The following IRAK2 variants were observed in gnomAD, a reference collection of about 807,000 sequenced individuals.
The protein encoded by IRAK2 is interleukin-1 receptor-associated kinase-like 2.
Under a neutral mutation model 72.0 loss-of-function variants are expected in IRAK2, and 57 were observed. The ratio of observed to expected loss-of-function variants is 0.79; its 90% CI spans 0.64 to 0.99. The LOEUF is 0.99. Among genes scored for constraint, IRAK2 ranks in the 50% least tolerant of loss-of-function variants. The probability of loss-of-function intolerance (pLI) is 0.00; values close to 1 mark genes in which losing one functional copy is unlikely to be tolerated. For synonymous variants in IRAK2, 293 were observed against 312.7 expected (o/e 0.94, Z 0.67); for missense variants, 790 against 794.4 (o/e 0.99, Z 0.07).
intron 12 of IRAK2, among the ~76,000 whole-genome samples, chr3:10,240,571 TG>T (rs200083760): frequency 1.3e-5 from 1 of 79,790 alleles, no homozygotes; most frequent in Admixed American, 1.7e-4. Context: ...TTTTTTTTTT[TG>T]TTTTGAGACA....
chr3:10,177,199 A>G (rs745617378), intron 1 of IRAK2, among the ~76,000 whole-genome samples: 3 of 152,070 alleles, frequency 2.0e-5, no homozygotes, highest in Admixed American at 6.6e-5. Flanking sequence ...CTCCTAAAGT[A>G]TTGGAATTAC....
chr3:10,168,788 A>C (rs1214185120), intron 1 of IRAK2, among the ~76,000 whole-genome samples: 1 of 152,122 alleles, frequency 6.6e-6, no homozygotes, highest in East Asian at 1.9e-4. Context: ...CCCCTGCTCC[A>C]GCCACACTGA....
At chr3:10,167,418 CTT>C (rs1168538999) in intron 1 of IRAK2, among the ~76,000 whole-genome samples, 12 of 144,102 alleles carry the variant, frequency 8.3e-5, no homozygotes, top group Admixed American at 7.0e-5. Context: ...TACTTAGTTT[CTT>C]TTTTTTTTTT....
At chr3:10,223,858 C>G (rs756277420) in intron 9 of IRAK2, among the ~76,000 whole-genome samples, 1 of 152,196 alleles carries the variant, frequency 6.6e-6, no homozygotes, top group African/African-American at 2.4e-5. Flanking sequence ...CTCTCTCTGA[C>G]CACAGTCTCC....
intron 9 of IRAK2, 49 bp downstream of exon 9, chr3:10,222,880 T>C: frequency 1.3e-6 from 2 of 1,504,186 alleles, no homozygotes; most frequent in Non-Finnish European, 1.8e-6. Context: ...TGATTTGTCC[T>C]TCCCACGGCT....
intron 2 of IRAK2, among the ~76,000 whole-genome samples, chr3:10,197,949 C>T (rs1697297236): frequency 6.6e-6 from 1 of 151,076 alleles, no homozygotes; most frequent in African/African-American, 2.4e-5. Flanking sequence ...CCTGTAATCC[C>T]AGCACTTTGG....
intron 1 of IRAK2, among the ~76,000 whole-genome samples, chr3:10,177,625 C>T (rs930929496): frequency 1.3e-5 from 2 of 152,212 alleles, no homozygotes; most frequent in Non-Finnish European, 2.9e-5. Flanking sequence ...GGTCTTTCTC[C>T]TAAGTCATAT....
At chr3:10,173,096 C>T (rs1696822757) in intron 1 of IRAK2, among the ~76,000 whole-genome samples, 1 of 151,986 alleles carries the variant, frequency 6.6e-6, no homozygotes, top group Non-Finnish European at 1.5e-5. Flanking sequence ...ACATAGAACT[C>T]ATCTAATCCT....
Position 10,239,028 on chromosome 3 carries a change from C to G in IRAK2, c.1754C>G (p.Pro585Arg). The change falls in exon 12 of 13, where the codon CCT becomes CGT. Residue 585 changes from proline to arginine, a missense_variant. By Grantham distance (103) the Pro-to-Arg change is moderately radical. Transcript: ENST00000256458. ...TCTGAGGCCTGTGTTGGCCTGGAGCCTCCCCAGGATGGTAAGCCGGAAGTC... is the reference window on the plus strand; with the variant it reads ...TCTGAGGCCTGTGTTGGCCTGGAGCGTCCCCAGGATGGTAAGCCGGAAGTC... Reference protein sequence around the residue: ...SSSEACVGLEPPQDVTETSWQ... With the variant: ...SSSEACVGLERPQDVTETSWQ... 1 of 1,601,988 alleles carries G rather than the reference C, an allele frequency of 6.2e-7. No individual in the cohort carries two copies. The highest frequency in any genetic ancestry group is 8.5e-7 in the Non-Finnish European group (1 of 1,173,602).
chr3:10,180,406 A>C (rs994070196), intron 2 of IRAK2, among the ~76,000 whole-genome samples: 11 of 152,190 alleles, frequency 7.2e-5, no homozygotes, highest in African/African-American at 2.7e-4. Flanking sequence ...GGCAGGATAC[A>C]GTGACCAGAT....
At chr3:10,226,233 A>C (rs1164228205) in intron 9 of IRAK2, 138 bp from the exon 10 acceptor site, 17 of 581,096 alleles carry the variant, frequency 2.9e-5, no homozygotes, top group Non-Finnish European at 9.3e-6. Context: ...CCCATGTTCC[A>C]GATTTTGGGC....
At chr3:10,184,752 C>T (rs1360587918) in intron 2 of IRAK2, among the ~76,000 whole-genome samples, 24 of 104,830 alleles carry the variant, frequency 2.3e-4, no homozygotes, top group East Asian at 1.7e-3. Flanking sequence ...TTTTTTGAGA[C>T]GGAGCCTTGC....
intron 3 of IRAK2, among the ~76,000 whole-genome samples, chr3:10,201,327 T>A (rs541607304): frequency 1.3e-5 from 2 of 152,360 alleles, no homozygotes; most frequent in East Asian, 3.9e-4. Context: ...CCAGCACAGG[T>A]TGGCCCTGCG....
chr3:10,189,069 G>T (rs558278217), intron 2 of IRAK2, among the ~76,000 whole-genome samples: 2 of 152,348 alleles, frequency 1.3e-5, no homozygotes, highest in Admixed American at 1.3e-4. Flanking sequence ...AGTGGGAGAT[G>T]AATTATAAGA....
chr3:10,199,683 T>C (rs1297294218), intron 2 of IRAK2, among the ~76,000 whole-genome samples: 1 of 152,086 alleles, frequency 6.6e-6, no homozygotes, highest in African/African-American at 2.4e-5. Context: ...TTCCCATCTC[T>C]ACTCTCCTTT....
chr3:10,217,750 G>T (rs1697626634), intron 7 of IRAK2, among the ~76,000 whole-genome samples: 1 of 152,146 alleles, frequency 6.6e-6, no homozygotes, highest in South Asian at 2.1e-4. Flanking sequence ...TCCTCAAATA[G>T]AGGGGAAAGA....
At chr3:10,165,937 C>T (rs971032024) in intron 1 of IRAK2, among the ~76,000 whole-genome samples, 4 of 152,002 alleles carry the variant, frequency 2.6e-5, no homozygotes, top group Non-Finnish European at 4.4e-5. Context: ...ACCGTGTTAG[C>T]CAGGATGGTC....
intron 2 of IRAK2, among the ~76,000 whole-genome samples, chr3:10,184,895 A>G (rs1417479112): frequency 7.6e-6 from 1 of 131,580 alleles, no homozygotes; most frequent in Non-Finnish European, 1.5e-5. Flanking sequence ...ATGCCCGGCT[A>G]TTTTTTTATT....
At chr3:10,190,960 G>A (rs1296604231) in intron 2 of IRAK2, among the ~76,000 whole-genome samples, 1 of 152,148 alleles carries the variant, frequency 6.6e-6, no homozygotes, top group African/African-American at 2.4e-5. Context: ...TAGCTGTTAA[G>A]TGCTTCGTCC....
Sources: allele counts gnomAD v4.1 joint callset (sites outside exome capture counted in the v4.1 genomes callset), GRCh38; gene constraint gnomAD v4.1.1; transcripts MANE v1.5; gene names NCBI Gene and HGNC (gene_info 2026-07-23, HGNC 2026-07-21).